The following SCHIP1 variants were observed in gnomAD, a reference collection of about 807,000 sequenced individuals.
The protein encoded by SCHIP1 is schwannomin-interacting protein 1.
SCHIP1 carries 8 observed loss-of-function variants against 29.7 expected under a neutral mutation model. The ratio of observed to expected loss-of-function variants is 0.27; its 90% CI spans 0.16 to 0.49. The LOEUF (loss-of-function observed/expected upper bound fraction) is 0.49. SCHIP1 is among the 20% of genes least tolerant of loss of function. The probability of loss-of-function intolerance (pLI) is 0.99; values close to 1 mark genes in which losing one functional copy is unlikely to be tolerated. For synonymous variants in SCHIP1, 76 were observed against 94.9 expected (o/e 0.80, Z 1.16); for missense variants, 193 against 294.6 (o/e 0.66, Z 2.52).
chr3:159,389,374 T>C, the SCHIP1 span, among the ~76,000 whole-genome samples: 1 of 152,008 alleles, frequency 6.6e-6, no homozygotes, highest in Non-Finnish European at 1.5e-5. Flanking sequence ...GGATGAAAGT[T>C]TTAAAGACTC....
the SCHIP1 span, among the ~76,000 whole-genome samples, chr3:159,626,158 ATATCTAGATATATCTATC>A: frequency 1.6e-4 from 19 of 121,970 alleles, no homozygotes; most frequent in Non-Finnish European, 2.6e-4. Context: ...ATATATATAT[ATATCTAGATATATCTATC>A]TATCTAGATA....
the SCHIP1 span, among the ~76,000 whole-genome samples, chr3:159,678,919 C>A: frequency 1.3e-5 from 2 of 152,152 alleles, no homozygotes; most frequent in African/African-American, 2.4e-5. Context: ...TAGAGAATAT[C>A]GCCCTTTGAT....
At chr3:159,571,518 G>A in the SCHIP1 span, among the ~76,000 whole-genome samples, 1 of 152,162 alleles carries the variant, frequency 6.6e-6, no homozygotes, top group Non-Finnish European at 1.5e-5. Flanking sequence ...ATGTGCTGCT[G>A]GATTCGGTTT....
chr3:159,801,024 A>G, the SCHIP1 span, among the ~76,000 whole-genome samples: 8 of 145,612 alleles, frequency 5.5e-5, no homozygotes, highest in Non-Finnish European at 9.1e-5. Flanking sequence ...TTCTTCCTTT[A>G]TCTTTTCCAA....
At chr3:159,389,137 A>G in the SCHIP1 span, among the ~76,000 whole-genome samples, 2 of 152,026 alleles carry the variant, frequency 1.3e-5, no homozygotes, top group Non-Finnish European at 2.9e-5. Flanking sequence ...CAAAGGCTTA[A>G]TATCTCCAAT....
chr3:159,289,346 A>G, the SCHIP1 span, among the ~76,000 whole-genome samples: 1 of 152,120 alleles, frequency 6.6e-6, no homozygotes, highest in African/African-American at 2.4e-5. Flanking sequence ...TGATCTGGTC[A>G]TTTTCTCTTC....
the SCHIP1 span, among the ~76,000 whole-genome samples, chr3:159,619,326 T>G: frequency 1.3e-5 from 2 of 152,184 alleles, no homozygotes; most frequent in Non-Finnish European, 2.9e-5. Context: ...CACCAAAGAT[T>G]GCTTCTCACC....
chr3:159,447,196 A>G, the SCHIP1 span, among the ~76,000 whole-genome samples: 1 of 152,210 alleles, frequency 6.6e-6, no homozygotes, highest in Admixed American at 6.5e-5. Context: ...CAGTGTGCTC[A>G]TTGGTAAAAT....
At chr3:159,386,703 C>G in the SCHIP1 span, 1 of 152,312 alleles carries the variant, frequency 6.6e-6, no homozygotes, top group South Asian at 2.1e-4. Flanking sequence ...ATATATAGAG[C>G]ATTTTTTAAA....
chr3:159,640,530 T>A, the SCHIP1 span, among the ~76,000 whole-genome samples: 4 of 152,128 alleles, frequency 2.6e-5, no homozygotes, highest in Non-Finnish European at 5.9e-5. Context: ...TCAGTATGAG[T>A]GTGTATACGT....
the SCHIP1 span, among the ~76,000 whole-genome samples, chr3:159,577,495 A>G: frequency 3.3e-5 from 5 of 152,284 alleles, no homozygotes; most frequent in South Asian, 1.0e-3. Context: ...AAATTAGAGA[A>G]AGTACACCTG....
At chr3:159,830,407 G>A in the SCHIP1 span, among the ~76,000 whole-genome samples, 1 of 152,238 alleles carries the variant, frequency 6.6e-6, no homozygotes, top group East Asian at 1.9e-4. Flanking sequence ...AGAAGAAAAA[G>A]TGACAACCAA....
At chr3:159,461,408 T>C in the SCHIP1 span, among the ~76,000 whole-genome samples, 3 of 152,026 alleles carry the variant, frequency 2.0e-5, no homozygotes, top group East Asian at 1.9e-4. Context: ...CCTCATGCTG[T>C]GGAATACACT....
At chr3:159,626,089 TATAG>T in the SCHIP1 span, among the ~76,000 whole-genome samples, 41,741 of 97,276 alleles carry the variant, frequency 0.43, 9,166 homozygotes, top group Middle Eastern at 0.52. Flanking sequence ...GTGCAGCTTA[TATAG>T]ATAGATAGAT....
the SCHIP1 span, among the ~76,000 whole-genome samples, chr3:159,828,563 TGTATC>T: frequency 1.3e-5 from 2 of 151,392 alleles, no homozygotes; most frequent in African/African-American, 4.9e-5. Flanking sequence ...AATGAGAAAA[TGTATC>T]GTACTTTTGA....
intron 1 of SCHIP1, among the ~76,000 whole-genome samples, chr3:159,855,750 G>A (rs1429007194): frequency 6.6e-6 from 1 of 151,938 alleles, no homozygotes; most frequent in African/African-American, 2.4e-5. Context: ...CCCTGCTTAG[G>A]TACCATAGAA....
chr3:159,490,339 C>G, the SCHIP1 span, among the ~76,000 whole-genome samples: 1 of 152,176 alleles, frequency 6.6e-6, no homozygotes, highest in Admixed American at 6.5e-5. Flanking sequence ...TTTCTTAGAT[C>G]TCACCTTCTT....
Position 159,887,507 on chromosome 3 carries a change from C to G in SCHIP1, c.268-201C>G. On this transcript the variant is annotated intron_variant, in intron 3 of 6. Transcript: ENST00000445224. ...ATTTCCCATTATTAACTATACTGCTCTCTCTGTTTATGCTAAAATCTATTT... is the reference window on the plus strand; with the variant it reads ...ATTTCCCATTATTAACTATACTGCTGTCTCTGTTTATGCTAAAATCTATTT... 5.0e-6 allele frequency: 3 copies of G among 600,622 alleles called. No homozygotes were observed. The South Asian group carries it at 6.3e-5, about 13-fold the overall frequency. The allele number at this position is 600,622 out of a possible 1,614,324, so 37.2% of individuals were successfully genotyped here.
At chr3:159,512,484 G>T in the SCHIP1 span, among the ~76,000 whole-genome samples, 1 of 152,134 alleles carries the variant, frequency 6.6e-6, no homozygotes, top group African/African-American at 2.4e-5. Flanking sequence ...CAAGTTTGTG[G>T]ATGAAGCATT....
Sources: gnomAD v4.1 joint callset for allele counts (sites outside exome capture counted in the v4.1 genomes callset) on GRCh38, gnomAD v4.1.1 for gene constraint, MANE v1.5 for transcripts, NCBI Gene and HGNC (gene_info 2026-07-23, HGNC 2026-07-21) for gene names.